The following MAPK6 variants were observed in gnomAD, a reference collection of about 807,000 sequenced individuals.
MAPK6 encodes mitogen-activated protein kinase 6, also known as ERK-3.
A neutral mutation model predicts 59.3 loss-of-function variants in MAPK6; 19 were observed. The observed-to-expected ratio is 0.32, with a 90% CI of 0.22 to 0.47. MAPK6 has a LOEUF of 0.47. MAPK6 is among the 20% of genes least tolerant of loss of function. MAPK6 has a pLI of 1.00. For synonymous variants in MAPK6, 316 were observed against 290.3 expected (o/e 1.09, Z -0.90); for missense variants, 724 against 847.9 (o/e 0.85, Z 1.81).
intron 1 of MAPK6, among the ~76,000 whole-genome samples, chr15:52,041,796 TCTTGA>T (rs1347076699): frequency 6.6e-6 from 1 of 152,152 alleles, no homozygotes; most frequent in Non-Finnish European, 1.5e-5. Flanking sequence ...GGCACACACA[TCTTGA>T]CTTTCTTAAT....
upstream of MAPK6, among the ~76,000 whole-genome samples, chr15:52,014,214 C>G (rs1236657523): frequency 6.6e-6 from 1 of 152,126 alleles, no homozygotes; most frequent in Non-Finnish European, 1.5e-5. Flanking sequence ...TCAGGAAGCA[C>G]TCATCTATCT....
chr15:52,041,997 A>G (rs1291575103), intron 1 of MAPK6, among the ~76,000 whole-genome samples: 2 of 152,246 alleles, frequency 1.3e-5, no homozygotes, highest in Middle Eastern at 3.2e-3. Context: ...CCCCATTGCC[A>G]AGAGATTGAC....
intron 1 of MAPK6, chr15:52,027,637 A>G (rs1186945420): frequency 2.0e-5 from 2 of 100,804 alleles, no homozygotes; most frequent in East Asian, 2.4e-4. Context: ...TTTTTTTTAT[A>G]GGCGGGGTCT....
chr15:52,062,733 C>G (rs1197892678), intron 5 of MAPK6, among the ~76,000 whole-genome samples: 2 of 152,126 alleles, frequency 1.3e-5, no homozygotes, highest in Non-Finnish European at 2.9e-5. Flanking sequence ...CCACTGCACT[C>G]CAGCCTGGGC....
At chr15:52,003,653 G>A (rs564750066) in intron 2 of MAPK6, among the ~76,000 whole-genome samples, 9 of 152,162 alleles carry the variant, frequency 5.9e-5, no homozygotes, top group South Asian at 2.1e-4. Context: ...TGCTATGTGC[G>A]CAACTTTTCT....
At position 52,065,082 on chromosome 15, in the gene MAPK6, T is replaced by A; in HGVS notation, c.*82T>A. ...TATTACTAGTGTTTAAGTCATTTTT[T>A]ACTTGAATCAGATGGTGTCATTTAG... On this transcript the variant is annotated 3_prime_UTR_variant, in exon 6 of 6. Coordinates refer to ENST00000261845, the MANE Select transcript of MAPK6 (RefSeq NM_002748.4). 1 of 1,322,140 alleles carries A rather than the reference T, an allele frequency of 7.6e-7. No individual in the cohort carries two copies. Among genetic ancestry groups the A allele is most frequent in the Non-Finnish European group, 1.0e-6 (1 of 979,506 alleles). 81.9% of individuals were successfully genotyped at this position (1,322,140 alleles called of 1,614,324 possible). A position where few individuals can be genotyped will look rare whatever the true frequency, so the allele number is the denominator to read the frequency against.
chr15:52,018,037 A>ATT (rs397969306), upstream of MAPK6: 2 of 148,786 alleles, frequency 1.3e-5, no homozygotes, highest in Non-Finnish European at 3.0e-5. Context: ...TTACTCTGTG[A>ATT]TTTTTTTTTT....
chr15:52,064,307 C>T lies in MAPK6; in HGVS notation c.1473C>T (p.Gly491=), dbSNP rs772516131. The T allele has an allele frequency of 2.5e-6, 4 of 1,609,612 alleles. No homozygotes were observed. Among genetic ancestry groups the T allele is most frequent in the South Asian group, 1.1e-5 (1 of 90,628 alleles). Residue 491 remains glycine (G), a synonymous_variant, in exon 6 of 6, where the codon GGC becomes GGT. Coordinates refer to ENST00000261845, the MANE Select transcript of MAPK6 (RefSeq NM_002748.4). ...EQSKEKSDKK[G]KSKCERNGLV... The stretch of plus-strand genomic sequence containing the variant: ...GCAAAGAAAAATCTGATAAGAAAGG[C>T]AAATCAAAATGTGAAAGGAATGGAT...
chr15:52,011,105 G>A (rs1212737013), intron 3 of MAPK6: 2 of 152,172 alleles, frequency 1.3e-5, no homozygotes, highest in Admixed American at 6.5e-5. Flanking sequence ...GCACAGTAAC[G>A]AGATACTTGA....
At chr15:51,989,400 T>G (rs1012900811) in intron 2 of MAPK6, among the ~76,000 whole-genome samples, 2 of 152,142 alleles carry the variant, frequency 1.3e-5, no homozygotes, top group South Asian at 2.1e-4. Context: ...ATTTTTGCCA[T>G]ATATGGTAAC....
At chr15:52,055,640 C>T (rs756156371) in intron 3 of MAPK6, among the ~76,000 whole-genome samples, 5 of 152,074 alleles carry the variant, frequency 3.3e-5, no homozygotes, top group Admixed American at 1.3e-4. Flanking sequence ...CTCAGCCTCC[C>T]GAGTAGCTGG....
At chr15:51,987,962 C>T (rs921880462) in intron 2 of MAPK6, among the ~76,000 whole-genome samples, 1 of 152,016 alleles carries the variant, frequency 6.6e-6, no homozygotes, top group African/African-American at 2.4e-5. Context: ...GACAGAGTTT[C>T]CTCATGTTGG....
At chr15:51,994,376 C>G (rs757965122) in intron 2 of MAPK6, among the ~76,000 whole-genome samples, 2 of 152,080 alleles carry the variant, frequency 1.3e-5, no homozygotes, top group Admixed American at 1.3e-4. Context: ...GAGGCTGAGA[C>G]AGAGGATTGC....
chr15:52,053,563 C>G (rs899855767), intron 3 of MAPK6, among the ~76,000 whole-genome samples: 15 of 150,952 alleles, frequency 9.9e-5, no homozygotes, highest in Non-Finnish European at 1.8e-4. Context: ...TTTTTTTTCC[C>G]TTTCTTTATA....
chr15:52,038,156 GAA>G (rs35579384), intron 1 of MAPK6, among the ~76,000 whole-genome samples: 2 of 145,266 alleles, frequency 1.4e-5, no homozygotes, highest in African/African-American at 2.6e-5. Context: ...GCTCAAGATT[GAA>G]AAAAAAAAAA....
At chr15:51,995,346 T>C (rs1339249621) in intron 2 of MAPK6, among the ~76,000 whole-genome samples, 1 of 152,072 alleles carries the variant, frequency 6.6e-6, no homozygotes, top group Non-Finnish European at 1.5e-5. Flanking sequence ...TGAGCTTGGG[T>C]GAGGTTGCTT....
At position 52,066,778 on chromosome 15, in the gene MAPK6, GTGTGTGTGTGTGTGTA is replaced by G. The variant is rs1566917942; in HGVS notation, c.*1780_*1795del. 1.8e-5 allele frequency: 2 copies of G among 111,054 alleles called. No homozygotes were observed. The highest frequency in any genetic ancestry group is 3.7e-5 in the Non-Finnish European group (2 of 54,080). 6.9% of individuals were successfully genotyped at this position (111,054 alleles called of 1,614,324 possible). The stretch of plus-strand genomic sequence containing the variant: ...TATATATACACGTGTGTGTGTGTGT[GTGTGTGTGTGTGTGTA>G]TATATATTCATTTATTTATTTTCTG... On this transcript the variant is annotated 3_prime_UTR_variant, in exon 6 of 6. Coordinates refer to ENST00000261845, the MANE Select transcript of MAPK6 (RefSeq NM_002748.4).
chr15:52,047,125 C>G, intron 2 of MAPK6, 110 bp downstream of exon 2: 1 of 714,032 alleles, frequency 1.4e-6, no homozygotes, highest in Non-Finnish European at 2.1e-6. Context: ...TCTTATTAAA[C>G]TTTACATAGT....
intron 1 of MAPK6, among the ~76,000 whole-genome samples, chr15:52,027,035 G>C (rs1358234022): frequency 1.3e-5 from 2 of 150,700 alleles, no homozygotes; most frequent in Non-Finnish European, 3.0e-5. Context: ...GGGCGACAGA[G>C]CAATACTCTG....
Sources: gnomAD v4.1 joint callset for allele counts (sites outside exome capture counted in the v4.1 genomes callset) on GRCh38, gnomAD v4.1.1 for gene constraint, MANE v1.5 for transcripts, NCBI Gene and HGNC (gene_info 2026-07-23, HGNC 2026-07-21) for gene names.